The following FN1 variants were observed in gnomAD, a reference collection of about 807,000 sequenced individuals.
FN1 encodes fibronectin.
Under a neutral mutation model 297.3 loss-of-function variants are expected in FN1, and 106 were observed. The observed-to-expected ratio is 0.36, with a 90% CI of 0.30 to 0.42. The LOEUF is 0.42. Among genes scored for constraint, FN1 ranks in the 10% least tolerant of loss-of-function variants. The probability of loss-of-function intolerance (pLI) is 1.00; values close to 1 mark genes in which losing one functional copy is unlikely to be tolerated. For synonymous variants in FN1, 1,149 were observed against 1,152.6 expected (o/e 1.00, Z 0.06); for missense variants, 2,690 against 3,124.9 (o/e 0.86, Z 3.32).
At chr2:215,373,263 G>C in intron 39 of FN1, 59 bp downstream of exon 39, 3 of 1,317,556 alleles carry the variant, frequency 2.3e-6, no homozygotes, top group Non-Finnish European at 3.3e-6. Context: ...TTGCAAGATT[G>C]CTCATTTGTT....
intron 35 of FN1, among the ~76,000 whole-genome samples, chr2:215,377,636 C>T (rs974938931): frequency 6.6e-6 from 1 of 152,168 alleles, no homozygotes; most frequent in Non-Finnish European, 1.5e-5. Flanking sequence ...AATTAAGCCT[C>T]TTTTCTTTAG....
chr2:215,369,536 G>A (rs969063433), intron 41 of FN1, among the ~76,000 whole-genome samples: 3 of 152,160 alleles, frequency 2.0e-5, no homozygotes, highest in Admixed American at 2.0e-4. Flanking sequence ...CTGTTGGTGT[G>A]GAGTAGAGAA....
rs768332346 is a variant in FN1, at chr2:215,406,223, T to C, written c.2986+15A>G. The C allele has an allele frequency of 6.8e-6, 11 of 1,613,232 alleles. No homozygotes were observed. The East Asian group carries it at 1.8e-4, about 26-fold the overall frequency. ...GGAGAATTTGGAGGGGAGATAGAGA[T>C]AGGAGAAGACATACTGGTTGTCTGT... On this transcript the variant is annotated intron_variant, in intron 19 of 45. Transcript: ENST00000354785.
intron 30 of FN1, 67 bp from the exon 31 acceptor site, chr2:215,383,550 C>T: frequency 6.7e-7 from 1 of 1,496,284 alleles, no homozygotes; most frequent in Non-Finnish European, 9.3e-7. Context: ...GACAAGTCCT[C>T]CTCTCTAGGT....
rs369527578 is a variant in FN1, at chr2:215,361,562, C to T, written c.7427G>A (p.Arg2476Gln). The change falls in exon 46 of 46, where the codon CGA (arginine) becomes CAA (glutamine). Residue 2476 changes from arginine (R) to glutamine (Q), a missense_variant. Physicochemically the swap from Arg to Gln is conservative, Grantham distance 43. Coordinates refer to ENST00000354785, the MANE Select transcript of FN1 (RefSeq NM_212482.4). ...LDVQADREDS[R>Q]E ...CTGGATTGGAAAGATGATTTACTCT[C>T]GGGAATCTTCTCTGTCAGCCTGTAC... 59 of 1,603,170 alleles carry T rather than the reference C, an allele frequency of 3.7e-5. No homozygotes were observed. The African/African-American group carries it at 5.3e-4, about 15-fold the overall frequency.
intron 15 of FN1, 73 bp downstream of exon 15, chr2:215,409,490 G>A (rs2062259328): frequency 6.9e-7 from 1 of 1,448,316 alleles, no homozygotes; most frequent in South Asian, 1.1e-5. Context: ...CCTGCCTAGA[G>A]GCCACCCACC....
chr2:215,370,264 C>A (rs199573501), intron 41 of FN1, 30 bp downstream of exon 41: 7 of 1,612,026 alleles, frequency 4.3e-6, no homozygotes, highest in Middle Eastern at 1.6e-4. Context: ...CAGAGGGGAG[C>A]CTGTGTCTAA....
At chr2:215,383,710 C>T (rs1217378949) in intron 30 of FN1, among the ~76,000 whole-genome samples, 2 of 152,212 alleles carry the variant, frequency 1.3e-5, no homozygotes, top group African/African-American at 4.8e-5. Context: ...CTACATTCCA[C>T]AAGCAGGTGT....
At position 215,404,503 on chromosome 2, in the gene FN1, A is replaced by G. The variant is rs1388715324; in HGVS notation, c.3139T>C (p.Ser1047Pro). The G allele has an allele frequency of 1.2e-6, 2 of 1,614,108 alleles. No individual in the cohort carries two copies. The highest frequency in any genetic ancestry group is 1.7e-6 in the Non-Finnish European group (2 of 1,179,996). ...GQPRQYNVGP[S>P]VSKYPLRNLQ... ...TTCCTCAGTGGGTACTTGGAGACAGAGGGACCCACATTGTACTGCCTGGGC... is the reference window on the plus strand; with the variant it reads ...TTCCTCAGTGGGTACTTGGAGACAGGGGGACCCACATTGTACTGCCTGGGC... The change falls in exon 20 of 46, where the codon TCT (serine) becomes CCT (proline). Residue 1047 changes from serine (S) to proline (P), a missense_variant. By Grantham distance (74) the Ser-to-Pro change is moderately conservative. Transcript: ENST00000354785.
At chr2:215,377,044 GTGTGTGTGTGTGTA>G (rs1257732568) in intron 35 of FN1, among the ~76,000 whole-genome samples, 1 of 140,942 alleles carries the variant, frequency 7.1e-6, no homozygotes, top group Admixed American at 7.6e-5. Context: ...ACAATTTTGT[GTGTGTGTGTGTGTA>G]TGTGTGTGTG....
At chr2:215,424,461 G>A (rs1225791514) in intron 7 of FN1, 136 bp from the exon 8 acceptor site, 15 of 695,440 alleles carry the variant, frequency 2.2e-5, no homozygotes, top group East Asian at 7.8e-5. Context: ...TGATCATCTC[G>A]TTAATTTCAG....
At chr2:215,418,555 T>TCATGTTTTATTAA (rs1480041033) in intron 12 of FN1, among the ~76,000 whole-genome samples, 1 of 152,230 alleles carries the variant, frequency 6.6e-6, no homozygotes, top group Non-Finnish European at 1.5e-5. Context: ...AATTAGCCTT[T>TCATGTTTTATTAA]CATGTTTTAT....
rs955990479 is a variant in FN1, at chr2:215,409,479, A to G, written c.2299+84T>C. The stretch of plus-strand genomic sequence containing the variant: ...CAACCAGTTCCAAACCACAGATACC[A>G]CCTGCCTAGAGGCCACCCACCCCCA... On this transcript the variant is annotated intron_variant, in intron 15 of 45. Transcript: ENST00000354785. 11 of 1,300,036 alleles carry G rather than the reference A, an allele frequency of 8.5e-6. No individual in the cohort carries two copies. In the African/African-American group the frequency reaches 1.6e-4, roughly 19 times the overall value. The allele number at this position is 1,300,036 out of a possible 1,614,324, so 80.5% of individuals were successfully genotyped here. A position where few individuals can be genotyped will look rare whatever the true frequency, so the allele number is the denominator to read the frequency against.
intron 20 of FN1, among the ~76,000 whole-genome samples, chr2:215,401,268 A>G (rs2061106483): frequency 1.2e-5 from 1 of 85,420 alleles, no homozygotes; most frequent in African/African-American, 4.8e-5. Flanking sequence ...GAAAGGAAGG[A>G]AAGGAAAGGA....
chr2:215,404,436 A>G lies in FN1; in HGVS notation c.3206T>C (p.Ile1069Thr). The change falls in exon 20 of 46, where the codon ATA becomes ACA. Residue 1069 changes from isoleucine to threonine, a missense_variant. Physicochemically the swap from Ile to Thr is moderately conservative, Grantham distance 89 (BLOSUM62 -1). Around this residue, in one of 3 missense-constraint regions of FN1, gnomAD observed 1,743 missense variants for 1,945.2 expected, o/e 0.90. Transcript: ENST00000354785. ...ASEYTVSLVA[I>T]KGNQESPKAT... Reference sequence around the variant, plus strand: ...TTTGGGGCTCTCTTGGTTGCCCTTTATGGCCACGAGGGATACGGTGTACTC... The same window carrying G: ...TTTGGGGCTCTCTTGGTTGCCCTTTGTGGCCACGAGGGATACGGTGTACTC... The G allele has an allele frequency of 6.2e-7, 1 of 1,614,078 alleles. No individual in the cohort carries two copies. The highest frequency in any genetic ancestry group is 2.2e-5 in the East Asian group (1 of 44,880).
At chr2:215,401,251 GAAGAAAGA>G (rs199937490) in intron 20 of FN1, among the ~76,000 whole-genome samples, 15,449 of 79,570 alleles carry the variant, frequency 0.19, 1,846 homozygotes, top group East Asian at 0.25. Context: ...AGAAAGAAAG[GAAGAAAGA>G]AAGGAAGGAA....
At chr2:215,365,036 A>G (rs907306219) in intron 43 of FN1, 51 bp from the exon 44 acceptor site, 13 of 1,180,884 alleles carry the variant, frequency 1.1e-5, no homozygotes, top group Non-Finnish European at 1.5e-5. Flanking sequence ...ACAATACTGC[A>G]GACTTGATCT....
intron 28 of FN1, among the ~76,000 whole-genome samples, chr2:215,385,565 A>AAT (rs2058835068): frequency 9.4e-6 from 1 of 106,482 alleles, no homozygotes; most frequent in African/African-American, 4.4e-5. Context: ...CCATTTCAGG[A>AAT]AGAAAAAAAA....
chr2:215,410,083 G>A lies in FN1; in HGVS notation c.1973C>T (p.Thr658Ile). 6.2e-7 allele frequency: 1 copy of A among 1,613,746 alleles called. No individual in the cohort carries two copies. Among genetic ancestry groups the A allele is most frequent in the Non-Finnish European group, 8.5e-7 (1 of 1,179,934 alleles). Residue 658 changes from threonine (T) to isoleucine (I), a missense_variant, in exon 14 of 46, where the codon ACC (threonine) becomes ATC (isoleucine). Thr to Ile is a moderately conservative substitution (Grantham distance 89). Around this residue, in one of 3 missense-constraint regions of FN1, gnomAD observed 876 missense variants for 1,058.1 expected, o/e 0.83. Coordinates refer to ENST00000354785, the MANE Select transcript of FN1 (RefSeq NM_212482.4). The part of the protein sequence containing the change: ...KNSVGRWKEA[T>I]IPGHLNSYTI... ...GTAGGAGTTTAAGTGGCCTGGTATG[G>A]TAGCTTCCTTCCAACGGCCTACAGA...
Sources: allele counts gnomAD v4.1 joint callset (sites outside exome capture counted in the v4.1 genomes callset), GRCh38; gene constraint gnomAD v4.1.1; regional missense constraint gnomAD v4.1.1; transcripts MANE v1.5; gene names NCBI Gene and HGNC (gene_info 2026-07-23, HGNC 2026-07-21).